The following FGF12 variants were observed in gnomAD, a reference collection of about 807,000 sequenced individuals.
FGF12 encodes the protein fibroblast growth factor 12, also known as fibroblast growth factor 12B.
FGF12 carries 14 observed loss-of-function variants against 23.6 expected under a neutral mutation model. That is an observed-to-expected ratio of 0.59 (90% CI 0.39 to 0.93). The LOEUF is 0.93. Ranked by LOEUF, FGF12 falls within the 40% of genes least tolerant of loss-of-function variation. The probability of loss-of-function intolerance (pLI) is 0.00; values close to 1 mark genes in which losing one functional copy is unlikely to be tolerated. For synonymous variants in FGF12, 62 were observed against 77.3 expected (o/e 0.80, Z 1.04); for missense variants, 175 against 217.8 (o/e 0.80, Z 1.24).
At chr3:192,548,931 G>GA (rs1345184394) in intron 2 of FGF12, among the ~76,000 whole-genome samples, 2 of 152,004 alleles carry the variant, frequency 1.3e-5, no homozygotes, top group East Asian at 3.9e-4. Context: ...CTTATAACCT[G>GA]AAAAAATACT....
At chr3:192,176,964 A>C (rs1253758669) in intron 4 of FGF12, among the ~76,000 whole-genome samples, 1 of 152,226 alleles carries the variant, frequency 6.6e-6, no homozygotes, top group Non-Finnish European at 1.5e-5. Flanking sequence ...TGTTTGATTT[A>C]CTAATAATGT....
At chr3:192,575,682 C>A (rs1017641262) in intron 2 of FGF12, among the ~76,000 whole-genome samples, 4 of 151,878 alleles carry the variant, frequency 2.6e-5, no homozygotes, top group Non-Finnish European at 4.4e-5. Flanking sequence ...GTTTTGGTCC[C>A]TCTTAAGCCT....
At chr3:192,216,501 T>C (rs988878684) in intron 4 of FGF12, among the ~76,000 whole-genome samples, 2 of 152,220 alleles carry the variant, frequency 1.3e-5, no homozygotes, top group Admixed American at 1.3e-4. Context: ...AATTTGTATG[T>C]GCTAAAAAAC....
intron 2 of FGF12, among the ~76,000 whole-genome samples, chr3:192,645,689 C>T (rs35536376): frequency 3.6e-5 from 5 of 139,344 alleles, no homozygotes; most frequent in African/African-American, 1.3e-4. Flanking sequence ...AATGTTTGTT[C>T]TACAAATATT....
intron 2 of FGF12, among the ~76,000 whole-genome samples, chr3:192,572,001 C>G (rs974997222): frequency 8.7e-5 from 13 of 150,034 alleles, no homozygotes; most frequent in African/African-American, 3.2e-4. Flanking sequence ...CCTCATACAT[C>G]TCTGACTTAT....
intron 4 of FGF12, among the ~76,000 whole-genome samples, chr3:192,187,572 A>T (rs1399679712): frequency 6.6e-6 from 1 of 152,208 alleles, no homozygotes. Context: ...TAAAGAGATT[A>T]ATAAACAGTT....
chr3:192,308,341 C>T (rs1392664432), intron 4 of FGF12, among the ~76,000 whole-genome samples: 1 of 152,108 alleles, frequency 6.6e-6, no homozygotes, highest in African/African-American at 2.4e-5. Context: ...ATTGGCAGAT[C>T]TAATGGCAAA....
intron 2 of FGF12, among the ~76,000 whole-genome samples, chr3:192,413,571 A>C (rs1721262006): frequency 6.6e-6 from 1 of 152,250 alleles, no homozygotes; most frequent in Non-Finnish European, 1.5e-5. Context: ...CAGATTTCCT[A>C]AAACAGGAAA....
At chr3:192,601,301 G>C (rs1714105660) in intron 2 of FGF12, among the ~76,000 whole-genome samples, 1 of 152,040 alleles carries the variant, frequency 6.6e-6, no homozygotes, top group Non-Finnish European at 1.5e-5. Flanking sequence ...GTAGGGTACA[G>C]GGGAAATAGG....
intron 2 of FGF12, among the ~76,000 whole-genome samples, chr3:192,686,814 AATTT>A (rs1717756813): frequency 9.3e-6 from 1 of 107,030 alleles, no homozygotes; most frequent in African/African-American, 4.2e-5. Context: ...TTTTTTCTCT[AATTT>A]TTTTTTTTTT....
intron 2 of FGF12, among the ~76,000 whole-genome samples, chr3:192,418,221 T>TA (rs928713194): frequency 6.6e-6 from 1 of 152,220 alleles, no homozygotes; most frequent in Middle Eastern, 3.4e-3. Flanking sequence ...CGGTAATTAA[T>TA]AAAAAAGTTA....
intron 2 of FGF12, among the ~76,000 whole-genome samples, chr3:192,646,213 T>TATCAATCAATCA (rs3043792): frequency 1.0e-4 from 15 of 150,572 alleles, no homozygotes; most frequent in Admixed American, 2.0e-4. Context: ...TGAGACACAA[T>TATCAATCAATCA]ATCAATCAAT....
chr3:192,612,822 A>T (rs1298029659), intron 2 of FGF12, among the ~76,000 whole-genome samples: 1 of 151,980 alleles, frequency 6.6e-6, no homozygotes, highest in Non-Finnish European at 1.5e-5. Context: ...AAATAAATAG[A>T]AATCAGTTTT....
chr3:192,401,959 G>A (rs768586361), intron 2 of FGF12, among the ~76,000 whole-genome samples: 59 of 152,206 alleles, frequency 3.9e-4, no homozygotes, highest in Non-Finnish European at 2.5e-4. Flanking sequence ...TTGACCAAAA[G>A]CTAGAGGTAA....
At chr3:192,398,034 T>A (rs73193587) in intron 2 of FGF12, among the ~76,000 whole-genome samples, 34,779 of 152,104 alleles carry the variant, frequency 0.23, 5,113 homozygotes, top group Non-Finnish European at 0.33. Context: ...TCTTCTTTCA[T>A]GAATTTCACT....
intron 2 of FGF12, among the ~76,000 whole-genome samples, chr3:192,581,666 A>G (rs1713162919): frequency 6.6e-6 from 1 of 152,054 alleles, no homozygotes; most frequent in African/African-American, 2.4e-5. Context: ...GTGGACTTTG[A>G]AGATTTCTAA....
chr3:192,253,432 G>GGA (rs1712167303), intron 4 of FGF12, among the ~76,000 whole-genome samples: 1 of 151,650 alleles, frequency 6.6e-6, no homozygotes, highest in African/African-American at 2.4e-5. Flanking sequence ...GAGGGAGGAA[G>GGA]GGAAAAGGGA....
intron 2 of FGF12, among the ~76,000 whole-genome samples, chr3:192,696,778 G>A (rs1211623582): frequency 6.6e-6 from 1 of 152,004 alleles, no homozygotes. Context: ...CAGTAGGTCT[G>A]TGTGGGGCAT....
intron 2 of FGF12, among the ~76,000 whole-genome samples, chr3:192,382,019 T>C (rs1006195054): frequency 6.6e-6 from 1 of 151,766 alleles, no homozygotes; most frequent in East Asian, 1.9e-4. Context: ...TTTTTTGAGA[T>C]GGAGTCTCGC....
Sources: gnomAD v4.1 joint callset for allele counts (sites outside exome capture counted in the v4.1 genomes callset) on GRCh38, gnomAD v4.1.1 for gene constraint, MANE v1.5 for transcripts, NCBI Gene and HGNC (gene_info 2026-07-23, HGNC 2026-07-21) for gene names.